Variants in FTO observed in about 807,000 individuals in gnomAD.
FTO encodes the protein FTO alpha-ketoglutarate dependent dioxygenase.
A neutral mutation model predicts 63.9 loss-of-function variants in FTO; 47 were observed. That is an observed-to-expected ratio of 0.74 (90% CI 0.58 to 0.94). The LOEUF is 0.94. Ranked by LOEUF, FTO falls within the 40% of genes least tolerant of loss-of-function variation. The pLI, the probability that FTO is intolerant of heterozygous loss-of-function variation, is 0.00. For synonymous variants in FTO, 207 were observed against 224.4 expected, an observed-to-expected ratio of 0.92 and a Z score of 0.69; for missense variants, 562 against 618.1, an observed-to-expected ratio of 0.91 and a Z score of 0.96.
intron 2 of FTO, among the ~76,000 whole-genome samples, chr16:53,821,142 TG>T (rs1019901138): frequency 3.9e-5 from 6 of 152,144 alleles, no homozygotes; most frequent in African/African-American, 1.4e-4. Flanking sequence ...AGAATTTTAA[TG>T]GGGGGTGGGC....
At chr16:53,999,145 T>TGGGGAATGCTGATGCTTACTGAA (rs2084010971) in intron 8 of FTO, among the ~76,000 whole-genome samples, 1 of 152,170 alleles carries the variant, frequency 6.6e-6, no homozygotes, top group Non-Finnish European at 1.5e-5. Context: ...ACAGCCATCA[T>TGGGGAATGCTGATGCTTACTGAA]GGGGAATGCT....
At chr16:54,070,600 T>A in intron 8 of FTO, 1 of 152,202 alleles carries the variant, frequency 6.6e-6, no homozygotes, top group East Asian at 1.9e-4. Context: ...TTCTTACTTA[T>A]AGGGTCAAAA....
chr16:54,052,011 T>A (rs918454937), intron 8 of FTO, among the ~76,000 whole-genome samples: 11 of 152,198 alleles, frequency 7.2e-5, no homozygotes, highest in Non-Finnish European at 1.5e-5. Context: ...GAACACTCTC[T>A]AGACTTGTGG....
chr16:53,888,249 G>A (rs1048458473), intron 6 of FTO, among the ~76,000 whole-genome samples: 14 of 149,812 alleles, frequency 9.3e-5, no homozygotes, highest in African/African-American at 3.4e-4. Context: ...TGTTGCCCAG[G>A]CTGGAATGCA....
At chr16:53,709,699 C>T (rs553330299) in intron 1 of FTO, among the ~76,000 whole-genome samples, 1 of 152,136 alleles carries the variant, frequency 6.6e-6, no homozygotes, top group Non-Finnish European at 1.5e-5. Context: ...CTCTCATAGA[C>T]CTGTTTGTCC....
intron 4 of FTO, among the ~76,000 whole-genome samples, chr16:53,858,790 G>T (rs779519864): frequency 6.6e-6 from 1 of 151,806 alleles, no homozygotes; most frequent in Non-Finnish European, 1.5e-5. Context: ...TCTCCTGAGC[G>T]GCTGGGACTA....
intron 7 of FTO, among the ~76,000 whole-genome samples, chr16:53,917,890 A>G (rs1033671443): frequency 6.6e-6 from 1 of 151,880 alleles, no homozygotes; most frequent in Non-Finnish European, 1.5e-5. Flanking sequence ...AAGTACAGCA[A>G]CTCTGCCCGT....
Position 53,968,382 on chromosome 16 carries a change from C to CT in FTO, c.1364+34278dup, listed in dbSNP as rs564222168. On this transcript the variant is annotated intron_variant, in intron 8 of 8. Transcript: ENST00000471389. ...CCTAAGTTCCTTCAGATTCATATGGCTTTTTAAGTTTCATATATGAAGATA... is the reference window on the plus strand; with the variant it reads ...CCTAAGTTCCTTCAGATTCATATGGCTTTTTTAAGTTTCATATATGAAGATA... Among the ~76,000 whole-genome samples the CT allele has an allele frequency of 7.2e-5, 11 of 152,294 alleles. No individual in the cohort carries two copies. In the East Asian group the frequency reaches 2.1e-3, roughly 29 times the overall value.
At chr16:54,107,151 A>G (rs2086774258) in intron 8 of FTO, among the ~76,000 whole-genome samples, 1 of 151,076 alleles carries the variant, frequency 6.6e-6, no homozygotes, top group South Asian at 2.1e-4. Context: ...ATGTGTATAT[A>G]CATATTATTT....
intron 2 of FTO, 76 bp from the exon 3 acceptor site, chr16:53,825,788 C>A: frequency 6.4e-7 from 1 of 1,563,442 alleles, no homozygotes; most frequent in Non-Finnish European, 8.7e-7. Flanking sequence ...CAAATGCTTA[C>A]AAAGAAACAC....
intron 2 of FTO, among the ~76,000 whole-genome samples, chr16:53,819,701 TATTG>T (rs1177865846): frequency 6.6e-6 from 1 of 152,222 alleles, no homozygotes; most frequent in African/African-American, 2.4e-5. Flanking sequence ...TCAAAAAGTT[TATTG>T]ATTAACTGTA....
chr16:54,027,514 C>T (rs1185357674), intron 8 of FTO, among the ~76,000 whole-genome samples: 1 of 152,100 alleles, frequency 6.6e-6, no homozygotes, highest in Non-Finnish European at 1.5e-5. Flanking sequence ...GAAAGTTAAA[C>T]ACTTCCTTTC....
intron 7 of FTO, among the ~76,000 whole-genome samples, chr16:53,906,184 AT>A (rs1332779981): frequency 1.3e-5 from 2 of 152,116 alleles, no homozygotes; most frequent in African/African-American, 4.8e-5. Context: ...AATTTTTAAA[AT>A]TTTTCATCAG....
At chr16:54,079,477 C>T (rs1238839113) in intron 8 of FTO, among the ~76,000 whole-genome samples, 6 of 152,120 alleles carry the variant, frequency 3.9e-5, no homozygotes, top group Admixed American at 3.9e-4. Context: ...TGATGGCAGC[C>T]ACTAGAAGAA....
At chr16:53,914,740 A>G (rs1006977119) in intron 7 of FTO, among the ~76,000 whole-genome samples, 4 of 152,234 alleles carry the variant, frequency 2.6e-5, no homozygotes, top group African/African-American at 9.6e-5. Context: ...TTAAACATGT[A>G]GCATCCTTAG....
At chr16:53,773,586 C>G (rs16952522) in intron 1 of FTO, among the ~76,000 whole-genome samples, 5,680 of 152,176 alleles carry the variant, frequency 0.037, 162 homozygotes, top group East Asian at 0.1. Flanking sequence ...TTACCAACAC[C>G]TCACATCTTC....
chr16:53,931,904 A>ACACACACG (rs1555495390), intron 7 of FTO, among the ~76,000 whole-genome samples: 11 of 151,388 alleles, frequency 7.3e-5, no homozygotes, highest in African/African-American at 2.7e-4. Context: ...ACACACACAC[A>ACACACACG]CACGCACATA....
intron 8 of FTO, among the ~76,000 whole-genome samples, chr16:54,032,119 G>A (rs2084847415): frequency 6.6e-6 from 1 of 152,210 alleles, no homozygotes; most frequent in South Asian, 2.1e-4. Context: ...AGTCTAGTGG[G>A]CAGTGTCTAC....
intron 6 of FTO, among the ~76,000 whole-genome samples, chr16:53,884,399 A>G (rs1279793662): frequency 6.6e-6 from 1 of 152,162 alleles, no homozygotes; most frequent in African/African-American, 2.4e-5. Context: ...TGGCTTCCTT[A>G]TAACTACTGC....
Sources: allele counts gnomAD v4.1 joint callset (sites outside exome capture counted in the v4.1 genomes callset), GRCh38; gene constraint gnomAD v4.1.1; transcripts MANE v1.5; gene names NCBI Gene and HGNC (gene_info 2026-07-23, HGNC 2026-07-21).